KCNA6: variants seen among roughly 807,000 people sequenced by gnomAD.
KCNA6 encodes the protein potassium voltage-gated channel subfamily A member 6, also known as human brain potassium channel-2.
A neutral mutation model predicts 29.5 loss-of-function variants in KCNA6; 17 were observed. The ratio of observed to expected loss-of-function variants is 0.58; its 90% confidence interval spans 0.39 to 0.86. The LOEUF (loss-of-function observed/expected upper bound fraction) is 0.86, where lower values mean the gene tolerates loss of function less well. Ranked by LOEUF, KCNA6 falls within the 40% of genes least tolerant of loss-of-function variation. The pLI is 0.00. For missense variants in KCNA6, 450 were observed against 703.4 expected (o/e 0.64, Z 4.07); for synonymous variants, 296 against 304.7 (o/e 0.97, Z 0.30).
the KCNA6 span, among the ~76,000 whole-genome samples, chr12:4,846,945 AT>A: frequency 0.02 from 2,789 of 142,518 alleles, 28 homozygotes; most frequent in Admixed American, 0.034. Context: ...CGCCCAGCTA[AT>A]TTTTTTTTTT....
the KCNA6 span, among the ~76,000 whole-genome samples, chr12:4,828,311 G>C: frequency 4.6e-5 from 7 of 152,216 alleles, no homozygotes; most frequent in Non-Finnish European, 7.3e-5. Flanking sequence ...CATCTGAAAA[G>C]CTTCATATTA....
At chr12:4,819,987 A>G in the KCNA6 span, among the ~76,000 whole-genome samples, 1 of 152,186 alleles carries the variant, frequency 6.6e-6, no homozygotes, top group African/African-American at 2.4e-5. Flanking sequence ...CAGCAGAGAG[A>G]CCCTTAGAGA....
Position 4,810,835 on chromosome 12 carries a change from T to C in KCNA6, c.794T>C (p.Leu265Pro). The change falls in exon 1 of 1, where the codon CTG becomes CCG. Residue 265 changes from leucine (L) to proline (P), a missense_variant. Around this residue, in one of 7 missense-constraint regions of KCNA6, gnomAD observed 74 missense variants for 71.5 expected, o/e 1.03. Coordinates refer to ENST00000280684, the Ensembl canonical transcript of KCNA6. The surrounding 1 kb of genome is among the most constrained non-coding windows in gnomAD (Gnocchi z 7.5). ...TCCTTCTTTACAGACCCCTTCTTTC[T>C]GGTGGAGACGCTGTGCATTGTCTGG... 6.3e-7 allele frequency: 1 copy of C among 1,599,614 alleles called. No individual in the cohort carries two copies. The highest frequency in any genetic ancestry group is 8.5e-7 in the Non-Finnish European group (1 of 1,173,022).
the KCNA6 span, among the ~76,000 whole-genome samples, chr12:4,830,723 C>G: frequency 1.3e-5 from 2 of 152,252 alleles, no homozygotes; most frequent in East Asian, 1.9e-4. Context: ...CTGTAGACTT[C>G]CTGTGTCAGA....
chr12:4,848,202 T>C, the KCNA6 span, among the ~76,000 whole-genome samples: 9 of 152,104 alleles, frequency 5.9e-5, no homozygotes, highest in Admixed American at 4.6e-4. Flanking sequence ...TGAAAAGGTG[T>C]GTCCACCTGC....
chr12:4,850,584 C>T, the KCNA6 span, among the ~76,000 whole-genome samples: 1 of 152,076 alleles, frequency 6.6e-6, no homozygotes. The surrounding 1 kb of genome is among the most constrained non-coding windows in gnomAD (Gnocchi z 5.4). Flanking sequence ...GACCAGAGCA[C>T]CTAAGGATGG....
the KCNA6 span, among the ~76,000 whole-genome samples, chr12:4,838,543 G>A: frequency 7.9e-5 from 12 of 152,278 alleles, no homozygotes; most frequent in South Asian, 2.1e-4. Flanking sequence ...TTACTCAGTC[G>A]CCTCTGAAAA....
At chr12:4,823,593 T>A in the KCNA6 span, among the ~76,000 whole-genome samples, 31 of 151,964 alleles carry the variant, frequency 2.0e-4, no homozygotes, top group Non-Finnish European at 4.0e-4. Context: ...ATGGTGAAAC[T>A]CCATCTCTAC....
At chr12:4,838,019 A>G in the KCNA6 span, among the ~76,000 whole-genome samples, 1 of 152,052 alleles carries the variant, frequency 6.6e-6, no homozygotes, top group Admixed American at 6.5e-5. Context: ...AGTAGAAAAT[A>G]AGCACACCCA....
chr12:4,828,074 C>T, the KCNA6 span, among the ~76,000 whole-genome samples: 1 of 152,008 alleles, frequency 6.6e-6, no homozygotes, highest in African/African-American at 2.4e-5. Context: ...TGTTGGAACT[C>T]GGTTGTATTT....
downstream of KCNA6, among the ~76,000 whole-genome samples, chr12:4,815,812 C>T (rs1050228038): frequency 4.6e-5 from 7 of 152,220 alleles, no homozygotes; most frequent in Admixed American, 2.6e-4. Context: ...CCAGGCAGTC[C>T]GCAAGGAGAA....
chr12:4,827,505 G>A, the KCNA6 span, among the ~76,000 whole-genome samples: 1 of 152,182 alleles, frequency 6.6e-6, no homozygotes, highest in Non-Finnish European at 1.5e-5. Flanking sequence ...TATTCCCTGG[G>A]TCTCAGATTC....
downstream of KCNA6, among the ~76,000 whole-genome samples, chr12:4,817,759 T>A (rs902784874): frequency 2.6e-5 from 4 of 152,196 alleles, no homozygotes; most frequent in Admixed American, 6.5e-5. Flanking sequence ...ATTTTTTTTT[T>A]AATCCAACTC....
the KCNA6 span, chr12:4,850,896 A>C: frequency 2.3e-6 from 1 of 430,260 alleles, no homozygotes; most frequent in South Asian, 1.6e-5. This position sits in a 1 kb window ranked among gnomAD's most constrained non-coding sequence, Gnocchi z 5.4. Flanking sequence ...GCAGCAACCA[A>C]GCCAGAAAAA....
the KCNA6 span, among the ~76,000 whole-genome samples, chr12:4,839,869 G>A: frequency 6.6e-6 from 1 of 152,138 alleles, no homozygotes. Flanking sequence ...CAAGCAATTG[G>A]CTTAAGACCA....
chr12:4,827,620 A>G, the KCNA6 span, among the ~76,000 whole-genome samples: 5 of 152,180 alleles, frequency 3.3e-5, no homozygotes, highest in African/African-American at 1.2e-4. Context: ...CATTTCTGGG[A>G]GACAGCAGTG....
the KCNA6 span, among the ~76,000 whole-genome samples, chr12:4,840,975 C>T: frequency 6.6e-6 from 1 of 152,314 alleles, no homozygotes; most frequent in South Asian, 2.1e-4. Flanking sequence ...TAGTCTTACT[C>T]CTTAGAAGGA....
At chr12:4,819,833 G>A in the KCNA6 span, among the ~76,000 whole-genome samples, 2 of 152,314 alleles carry the variant, frequency 1.3e-5, no homozygotes, top group East Asian at 1.9e-4. Context: ...TAACCTCACC[G>A]AGCTTCAGTT....
At chr12:4,841,439 A>C in the KCNA6 span, among the ~76,000 whole-genome samples, 1 of 152,338 alleles carries the variant, frequency 6.6e-6, no homozygotes, top group East Asian at 1.9e-4. Context: ...ATAGTTGTTA[A>C]AACTTAATAG....
Sources: allele counts gnomAD v4.1 joint callset (sites outside exome capture counted in the v4.1 genomes callset), GRCh38; gene constraint gnomAD v4.1.1; regional missense constraint gnomAD v4.1.1; non-coding constraint Gnocchi (gnomAD v3.1); transcripts MANE v1.5; gene names NCBI Gene and HGNC (gene_info 2026-07-23, HGNC 2026-07-21).